KAT6B: variants seen among roughly 807,000 people sequenced by gnomAD.
KAT6B encodes lysine acetyltransferase 6B.
A neutral mutation model predicts 187.5 loss-of-function variants in KAT6B; 10 were observed. That is an observed-to-expected ratio of 0.05 (90% CI 0.03 to 0.09). KAT6B has a LOEUF of 0.09. Among genes scored for constraint, KAT6B ranks in the 10% least tolerant of loss-of-function variants. The pLI is 1.00. For missense variants in KAT6B, 1,952 were observed against 2,558.9 expected (o/e 0.76, Z 5.12); for synonymous variants, 861 against 926.8 (o/e 0.93, Z 1.29).
chr10:74,843,556 AC>A, intron 3 of KAT6B, 78 bp downstream of exon 3: 1 of 1,541,790 alleles, frequency 6.5e-7, no homozygotes, highest in Non-Finnish European at 8.9e-7. Context: ...TTTTATGTGG[AC>A]AAAAGTTCTG....
intron 3 of KAT6B, among the ~76,000 whole-genome samples, chr10:74,894,204 C>G (rs1241896547): frequency 6.6e-6 from 1 of 152,134 alleles, no homozygotes; most frequent in Non-Finnish European, 1.5e-5. Flanking sequence ...GCCTCAGCCT[C>G]CCAAGTAGCT....
intron 3 of KAT6B, among the ~76,000 whole-genome samples, chr10:74,947,871 C>T (rs1461698318): frequency 6.6e-6 from 1 of 152,192 alleles, no homozygotes; most frequent in African/African-American, 2.4e-5. Flanking sequence ...AGTTCCAACA[C>T]ACCTTACAGT....
chr10:74,998,942 C>G (rs1056673617), intron 13 of KAT6B, among the ~76,000 whole-genome samples: 3 of 152,128 alleles, frequency 2.0e-5, no homozygotes, highest in Non-Finnish European at 4.4e-5. Flanking sequence ...AAAAAATTAT[C>G]TGGGAATTTG....
At chr10:74,997,285 G>T (rs137968515) in intron 13 of KAT6B, among the ~76,000 whole-genome samples, 1 of 139,358 alleles carries the variant, frequency 7.2e-6, no homozygotes, top group African/African-American at 2.7e-5. Context: ...AAACAAATAG[G>T]CAGAGGACAG....
intron 3 of KAT6B, among the ~76,000 whole-genome samples, chr10:74,933,902 T>A (rs749436806): frequency 2.0e-5 from 3 of 152,080 alleles, no homozygotes; most frequent in Admixed American, 2.0e-4. Flanking sequence ...ATGCCTACAA[T>A]TGGCCGGGTG....
chr10:74,834,553 C>CT (rs1217347426), intron 1 of KAT6B, among the ~76,000 whole-genome samples: 2 of 151,698 alleles, frequency 1.3e-5, no homozygotes, highest in Non-Finnish European at 2.9e-5. Context: ...GAGTCTTGCT[C>CT]TATTGCCTAG....
intron 16 of KAT6B, among the ~76,000 whole-genome samples, chr10:75,024,485 A>C (rs1056423174): frequency 2.0e-5 from 3 of 152,206 alleles, no homozygotes; most frequent in African/African-American, 7.2e-5. Context: ...CTGGTCTTGT[A>C]TCATATTTCC....
intron 3 of KAT6B, among the ~76,000 whole-genome samples, chr10:74,916,066 G>A (rs1239871988): frequency 6.6e-6 from 1 of 152,224 alleles, no homozygotes; most frequent in Non-Finnish European, 1.5e-5. Flanking sequence ...AGGAGGCTGA[G>A]GCAGGAGAAT....
chr10:74,939,601 A>G (rs1849519151), intron 3 of KAT6B, among the ~76,000 whole-genome samples: 2 of 152,050 alleles, frequency 1.3e-5, no homozygotes, highest in Admixed American at 6.5e-5. Context: ...GGGTCTCACC[A>G]TATTGGCCAG....
At chr10:74,981,343 C>CCTTCCTTTCTTCCTTTCT (rs1564603738) in intron 10 of KAT6B, among the ~76,000 whole-genome samples, 35 of 141,624 alleles carry the variant, frequency 2.5e-4, no homozygotes, top group African/African-American at 1.0e-3. Context: ...TCCTTCCTTT[C>CCTTCCTTTCTTCCTTTCT]TTCCTTTCTT....
intron 3 of KAT6B, among the ~76,000 whole-genome samples, chr10:74,918,609 G>T (rs571307072): frequency 2.6e-5 from 4 of 152,234 alleles, no homozygotes; most frequent in African/African-American, 9.6e-5. Flanking sequence ...CAGGTGTGGT[G>T]GTGGGCCCTT....
At chr10:74,894,016 G>A (rs1227130266) in intron 3 of KAT6B, among the ~76,000 whole-genome samples, 5 of 152,170 alleles carry the variant, frequency 3.3e-5, no homozygotes, top group South Asian at 2.1e-4. Context: ...TAAAGGTCAC[G>A]TCCCCATATT....
intron 3 of KAT6B, among the ~76,000 whole-genome samples, chr10:74,912,377 A>ATAGATAGT (rs1847294044): frequency 6.9e-6 from 1 of 145,810 alleles, no homozygotes; most frequent in Non-Finnish European, 1.5e-5. Context: ...GGATGGATGG[A>ATAGATAGT]TAGATAGATA....
chr10:74,878,559 G>A (rs534436626), intron 3 of KAT6B, among the ~76,000 whole-genome samples: 1 of 149,054 alleles, frequency 6.7e-6, no homozygotes, highest in East Asian at 2.0e-4. Flanking sequence ...GGTGGAGGTT[G>A]CAGTGAGCCA....
At chr10:75,026,666 G>C (rs979367422) in intron 17 of KAT6B, among the ~76,000 whole-genome samples, 1 of 151,752 alleles carries the variant, frequency 6.6e-6, no homozygotes, top group Non-Finnish European at 1.5e-5. Flanking sequence ...TGCAGTGAGC[G>C]ATCATTTTGT....
intron 8 of KAT6B, chr10:74,976,635 G>T: frequency 2.3e-6 from 1 of 433,272 alleles, no homozygotes; most frequent in Non-Finnish European, 4.3e-6. Context: ...CGCATGAGTA[G>T]CCACTGCCAT....
chr10:74,984,447 T>C (rs183841198), intron 11 of KAT6B: 1 of 152,570 alleles, frequency 6.6e-6, no homozygotes, highest in East Asian at 1.9e-4. Flanking sequence ...GCTTGATTCT[T>C]TTATTTTGAA....
At chr10:74,889,479 C>T (rs761119389) in intron 3 of KAT6B, among the ~76,000 whole-genome samples, 3 of 152,052 alleles carry the variant, frequency 2.0e-5, no homozygotes, top group African/African-American at 7.2e-5. Flanking sequence ...AGGGAGGAGC[C>T]GAACTCCAGA....
In KAT6B at chr10:74,907,401, C is replaced by G. The variant is rs756539985; in HGVS notation, c.622-52569C>G. 8.5e-5 allele frequency among the ~76,000 whole-genome samples: 13 copies of G among 152,348 alleles called. No individual in the cohort carries two copies. The South Asian group carries it at 1.2e-3, about 15-fold the overall frequency. On this transcript the variant is annotated intron_variant, in intron 3 of 17. Transcript: ENST00000287239. ...GCTGTCCTGTTTGTCAGCAGTACATCCTTCATATTGAGCCCAAAACCTCCA... is the reference window on the plus strand; with the variant it reads ...GCTGTCCTGTTTGTCAGCAGTACATGCTTCATATTGAGCCCAAAACCTCCA...
Sources: gnomAD v4.1 joint callset for allele counts (sites outside exome capture counted in the v4.1 genomes callset) on GRCh38, gnomAD v4.1.1 for gene constraint, MANE v1.5 for transcripts, NCBI Gene and HGNC (gene_info 2026-07-23, HGNC 2026-07-21) for gene names.